The following PCYOX1 variants were observed in gnomAD, a reference collection of about 807,000 sequenced individuals.
PCYOX1 encodes prenylcysteine oxidase 1, also known as prenylcysteine lyase.
Under a neutral mutation model 46.4 loss-of-function variants are expected in PCYOX1, and 46 were observed. That is an observed-to-expected ratio of 0.99 (90% CI 0.78 to 1.27). The LOEUF (loss-of-function observed/expected upper bound fraction) is 1.27. PCYOX1 is among the 50% of genes most tolerant of loss of function. The pLI, the probability that PCYOX1 is intolerant of heterozygous loss-of-function variation, is 0.00. For synonymous variants in PCYOX1, 220 were observed against 231.8 expected (o/e 0.95, Z 0.46); for missense variants, 658 against 628.3 (o/e 1.05, Z -0.51).
In PCYOX1 at chr2:70,258,152, G is replaced by A; in HGVS notation, c.-13G>A. The A allele has an allele frequency of 2.5e-6, 4 of 1,585,656 alleles. No individual in the cohort carries two copies. Among genetic ancestry groups the A allele is most frequent in the Non-Finnish European group, 1.7e-6 (2 of 1,171,342 alleles). On this transcript the variant is annotated 5_prime_UTR_variant, in exon 1 of 6. Coordinates refer to ENST00000433351, the MANE Select transcript of PCYOX1 (RefSeq NM_016297.4). ...CGGGGCTCTTGAGGCCAGCTGCAGAGCTTGTGGAGGCCATGGGGCGCGTCG... is the reference window on the plus strand; with the variant it reads ...CGGGGCTCTTGAGGCCAGCTGCAGAACTTGTGGAGGCCATGGGGCGCGTCG...
chr2:70,263,642 G>A (rs994460228), intron 3 of PCYOX1, among the ~76,000 whole-genome samples: 6 of 151,946 alleles, frequency 3.9e-5, no homozygotes, highest in Non-Finnish European at 8.8e-5. Context: ...CCCTGCTTGT[G>A]TGTATTGTTT....
chr2:70,275,387 G>C (rs1573983694), intron 4 of PCYOX1, 127 bp from the exon 5 acceptor site: 1 of 979,274 alleles, frequency 1.0e-6, no homozygotes, highest in East Asian at 2.4e-5. Flanking sequence ...GGGAGATTTT[G>C]CTCCCAGGGG....
intron 3 of PCYOX1, among the ~76,000 whole-genome samples, chr2:70,269,865 C>T (rs1696577452): frequency 6.6e-6 from 1 of 152,214 alleles, no homozygotes; most frequent in Non-Finnish European, 1.5e-5. Flanking sequence ...TGACAGTTCT[C>T]TGAGGATAGT....
At chr2:70,272,377 T>C (rs1395666731) in intron 3 of PCYOX1, among the ~76,000 whole-genome samples, 1 of 152,170 alleles carries the variant, frequency 6.6e-6, no homozygotes, top group Non-Finnish European at 1.5e-5. Flanking sequence ...TCTGCCCGCC[T>C]CAGCCTCCCA....
rs770212290 is a variant in PCYOX1, at chr2:70,258,153, C to T, written c.-12C>T. The T allele has an allele frequency of 2.5e-6, 4 of 1,585,338 alleles. No homozygotes were observed. Among genetic ancestry groups the T allele is most frequent in the South Asian group, 1.1e-5 (1 of 89,946 alleles). ...GGGGCTCTTGAGGCCAGCTGCAGAG[C>T]TTGTGGAGGCCATGGGGCGCGTCGT... On this transcript the variant is annotated 5_prime_UTR_variant, in exon 1 of 6. Transcript: ENST00000433351.
intron 3 of PCYOX1, among the ~76,000 whole-genome samples, chr2:70,261,821 G>A (rs1399620645): frequency 1.3e-5 from 2 of 151,560 alleles, no homozygotes; most frequent in Non-Finnish European, 2.9e-5. Flanking sequence ...TCTATGCTGT[G>A]CTGGTGTTGT....
intron 3 of PCYOX1, among the ~76,000 whole-genome samples, chr2:70,271,720 C>G (rs942788935): frequency 2.6e-5 from 4 of 152,018 alleles, no homozygotes; most frequent in African/African-American, 9.7e-5. Context: ...GTAATGTTTA[C>G]TTCAAGTGAA....
Position 70,277,097 on chromosome 2 carries a change from T to C in PCYOX1, c.1223T>C (p.Phe408Ser), listed in dbSNP as rs148617845. ...GATGGAACATATGTTTGGAAGATCT[T>C]TTCCCAAGAAACTCTTACTAAAGCA... ...STDGTYVWKIFSQETLTKAQI... is the reference protein window; with the variant it reads ...STDGTYVWKISSQETLTKAQI... Residue 408 changes from phenylalanine (F) to serine (S), a missense_variant, in exon 6 of 6, where the codon TTT becomes TCT. Coordinates refer to ENST00000433351, the MANE Select transcript of PCYOX1 (RefSeq NM_016297.4). 6.6e-5 allele frequency: 107 copies of C among 1,614,136 alleles called. No individual in the cohort carries two copies. In the African/African-American group the frequency reaches 1.4e-3, roughly 21 times the overall value.
rs1245041254 is a variant in PCYOX1 at position 70,275,016 on chromosome 2, T to C, written c.552T>C (p.His184=). Residue 184 remains histidine, a synonymous_variant, in exon 4 of 6, where the codon CAT becomes CAC. Coordinates refer to ENST00000433351, the MANE Select transcript of PCYOX1 (RefSeq NM_016297.4). ...TCAGTAGTGTCGAAAAATTACTTCA[T>C]GCTCTAGGAGGAGATGACTTCCTTG... ...YAFSSVEKLL[H]ALGGDDFLGM... is the part of the protein sequence containing the mutation. 1 of 1,613,752 alleles carries C rather than the reference T, an allele frequency of 6.2e-7. No individual in the cohort carries two copies. Among genetic ancestry groups the C allele is most frequent in the South Asian group, 1.1e-5 (1 of 91,078 alleles).
intron 3 of PCYOX1, among the ~76,000 whole-genome samples, chr2:70,262,012 G>A (rs184709241): frequency 1.2e-3 from 185 of 152,086 alleles, no homozygotes; most frequent in African/African-American, 4.3e-3. Flanking sequence ...CCTCTTTTTC[G>A]TCCTTATGCT....
intron 3 of PCYOX1, among the ~76,000 whole-genome samples, chr2:70,262,405 A>T (rs534276015): frequency 1.3e-5 from 2 of 150,774 alleles, no homozygotes; most frequent in East Asian, 3.9e-4. Flanking sequence ...ACCTCAGGTG[A>T]TCCACCTGCC....
chr2:70,266,135 T>C (rs1398331016), intron 3 of PCYOX1, among the ~76,000 whole-genome samples: 1 of 152,086 alleles, frequency 6.6e-6, no homozygotes, highest in African/African-American at 2.4e-5. Flanking sequence ...TGTTACCTTT[T>C]GAGGTAAAAG....
At chr2:70,259,338 C>A (rs764891023) in intron 1 of PCYOX1, 22 bp from the exon 2 acceptor site, 5 of 1,597,270 alleles carry the variant, frequency 3.1e-6, no homozygotes, top group Non-Finnish European at 3.4e-6. Context: ...AAAATATAAT[C>A]TTCTGTTTTT....
intron 3 of PCYOX1, among the ~76,000 whole-genome samples, chr2:70,263,067 C>T (rs1294220041): frequency 6.6e-6 from 1 of 151,926 alleles, no homozygotes; most frequent in Admixed American, 6.6e-5. Context: ...AACCCTGTCT[C>T]TACAAAAAAT....
At chr2:70,259,891 C>T (rs532830148) in intron 2 of PCYOX1, among the ~76,000 whole-genome samples, 2 of 152,166 alleles carry the variant, frequency 1.3e-5, no homozygotes, top group Non-Finnish European at 2.9e-5. Context: ...TCTTGGCTCA[C>T]TGCAACCTCT....
chr2:70,268,507 G>A (rs537479239), intron 3 of PCYOX1, among the ~76,000 whole-genome samples: 209 of 152,172 alleles, frequency 1.4e-3, no homozygotes, highest in Non-Finnish European at 2.1e-3. Context: ...GGTCTTTAGC[G>A]TAGACCCTAA....
intron 3 of PCYOX1, among the ~76,000 whole-genome samples, chr2:70,268,940 G>A (rs966983227): frequency 6.6e-6 from 1 of 152,092 alleles, no homozygotes. Flanking sequence ...TTGGCCTACA[G>A]AACTATAAGA....
chr2:70,276,098 T>TAAAAA (rs568163191), intron 5 of PCYOX1, among the ~76,000 whole-genome samples: 111 of 105,450 alleles, frequency 1.1e-3, no homozygotes, highest in East Asian at 2.0e-3. Flanking sequence ...AGACTCCATC[T>TAAAAA]AAAAAAAAAA....
At position 70,276,742 on chromosome 2, in the gene PCYOX1, A is replaced by G; in HGVS notation, c.868A>G (p.Thr290Ala). ...CTCCTTATTTCCTCTAGGAAATCCA[A>G]CAAAGATGTATGAAGTGGTCTACCA... Reference protein sequence around the residue: ...KTKTKYTGNPTKMYEVVYQIG... With the variant: ...KTKTKYTGNPAKMYEVVYQIG... Residue 290 changes from threonine (T) to alanine (A), a missense_variant, in exon 6 of 6, where the codon ACA becomes GCA. By Grantham distance (58) the Thr-to-Ala change is moderately conservative. Coordinates refer to ENST00000433351, the MANE Select transcript of PCYOX1 (RefSeq NM_016297.4). 1.9e-6 allele frequency: 3 copies of G among 1,570,970 alleles called. No individual in the cohort carries two copies. Among genetic ancestry groups the G allele is most frequent in the South Asian group, 2.3e-5 (2 of 85,320 alleles).
Sources: allele counts gnomAD v4.1 joint callset (sites outside exome capture counted in the v4.1 genomes callset), GRCh38; gene constraint gnomAD v4.1.1; transcripts MANE v1.5; gene names NCBI Gene and HGNC (gene_info 2026-07-23, HGNC 2026-07-21).